The following ARMC2 variants were observed in gnomAD, a reference collection of about 807,000 sequenced individuals.
ARMC2 encodes armadillo repeat-containing protein 2.
A neutral mutation model predicts 90.3 loss-of-function variants in ARMC2; 67 were observed. The ratio of observed to expected loss-of-function variants is 0.74; its 90% confidence interval spans 0.61 to 0.91. The LOEUF is 0.91. Among genes scored for constraint, ARMC2 ranks in the 40% least tolerant of loss-of-function variants. The pLI is 0.00. For synonymous variants in ARMC2, 393 were observed against 393.0 expected (o/e 1.00, Z 0.00); for missense variants, 920 against 1,030.9 (o/e 0.89, Z 1.47).
At chr6:108,880,155 A>C (rs1246830323) in intron 5 of ARMC2, 1 of 358,454 alleles carries the variant, frequency 2.8e-6, no homozygotes, top group Non-Finnish European at 5.4e-6. Flanking sequence ...TGAACTACAC[A>C]ACATGAAGCA....
chr6:108,952,922 G>T, intron 12 of ARMC2, 111 bp from the exon 13 acceptor site: 1 of 1,046,262 alleles, frequency 9.6e-7, no homozygotes. Context: ...GAAGCCAGAC[G>T]TGTTCCATTT....
At chr6:108,935,645 G>A (rs181820023) in intron 11 of ARMC2, among the ~76,000 whole-genome samples, 8 of 152,180 alleles carry the variant, frequency 5.3e-5, no homozygotes, top group Admixed American at 4.6e-4. Context: ...GTTTCGCCAT[G>A]TTAGCCAGGC....
chr6:109,006,808 C>T, the ARMC2 span, among the ~76,000 whole-genome samples: 3 of 152,108 alleles, frequency 2.0e-5, no homozygotes, highest in Admixed American at 6.6e-5. Flanking sequence ...AAAGGCACTG[C>T]GGGTGTTCAA....
At chr6:108,993,045 G>A in the ARMC2 span, 2 of 582,244 alleles carry the variant, frequency 3.4e-6, no homozygotes, top group South Asian at 2.3e-5. Context: ...ATACAAAGTA[G>A]TTTACTTGCT....
chr6:108,907,663 G>C, intron 8 of ARMC2: 1 of 1,601,782 alleles, frequency 6.2e-7, no homozygotes. Flanking sequence ...AAAAGGAGTA[G>C]CTGAAGAGCA....
At chr6:108,992,121 C>A in the ARMC2 span, among the ~76,000 whole-genome samples, 2 of 152,032 alleles carry the variant, frequency 1.3e-5, no homozygotes, top group Non-Finnish European at 2.9e-5. Context: ...TTTTTTGAGA[C>A]AGGATCCCAC....
chr6:108,911,119 A>G, intron 9 of ARMC2, 118 bp downstream of exon 9: 1 of 664,432 alleles, frequency 1.5e-6, no homozygotes, highest in Non-Finnish European at 2.5e-6. Context: ...AGAAACATGC[A>G]GAAGTTATGT....
intron 12 of ARMC2, among the ~76,000 whole-genome samples, chr6:108,947,888 G>A (rs1776916198): frequency 6.6e-6 from 1 of 150,960 alleles, no homozygotes; most frequent in Non-Finnish European, 1.5e-5. Flanking sequence ...AAATCACATA[G>A]TTATGATATG....
intron 13 of ARMC2, among the ~76,000 whole-genome samples, chr6:108,960,576 G>C (rs890684788): frequency 1.3e-5 from 2 of 152,206 alleles, no homozygotes; most frequent in Non-Finnish European, 2.9e-5. Flanking sequence ...ACATTTTAGG[G>C]CTGAAAGACA....
intron 13 of ARMC2, 132 bp from the exon 14 acceptor site, chr6:108,961,440 C>A: frequency 1.1e-6 from 1 of 905,184 alleles, no homozygotes; most frequent in Non-Finnish European, 1.6e-6. Flanking sequence ...GGTAAAGGTG[C>A]CTCTCCAGGG....
intron 7 of ARMC2, among the ~76,000 whole-genome samples, chr6:108,903,044 T>C (rs895400189): frequency 3.9e-5 from 6 of 152,102 alleles, no homozygotes; most frequent in Non-Finnish European, 7.4e-5. Context: ...GACAAGCGTC[T>C]GGAGTCCTAG....
chr6:108,933,154 G>C (rs1285078167), intron 11 of ARMC2, among the ~76,000 whole-genome samples: 2 of 151,660 alleles, frequency 1.3e-5, no homozygotes, highest in Non-Finnish European at 2.9e-5. Flanking sequence ...AAATTGCTTT[G>C]GTCAGTATGG....
intron 4 of ARMC2, 45 bp from the exon 5 acceptor site, chr6:108,876,098 A>G: frequency 6.9e-7 from 1 of 1,448,978 alleles, no homozygotes; most frequent in Non-Finnish European, 9.4e-7. Context: ...AGTGATTCCT[A>G]AAATAAGAAT....
At position 108,910,962 on chromosome 6, in the gene ARMC2, G is replaced by C. The variant is rs1015059235; in HGVS notation, c.1087G>C (p.Glu363Gln). 1 of 1,584,938 alleles carries C rather than the reference G, an allele frequency of 6.3e-7. No homozygotes were observed. Among genetic ancestry groups the C allele is most frequent in the Middle Eastern group, 1.7e-4 (1 of 6,026 alleles). ...CKLIFKISRN[E>Q]KNDSLIQNDS... is the part of the protein sequence containing the mutation. ...ACTTATATTTAAAATTAGCAGGAAT[G>C]AGAAGAATGATTCTTTGATTCAAAA... The change falls in exon 9 of 18, where the codon GAG (glutamate) becomes CAG (glutamine). Residue 363 changes from glutamate (E) to glutamine (Q), a missense_variant. Coordinates refer to ENST00000392644, the MANE Select transcript of ARMC2 (RefSeq NM_032131.6).
chr6:109,050,972 T>C, the ARMC2 span, among the ~76,000 whole-genome samples: 1 of 152,226 alleles, frequency 6.6e-6, no homozygotes, highest in African/African-American at 2.4e-5. Flanking sequence ...ACGTTTGTTA[T>C]GGTTAAAGTT....
At chr6:108,887,822 G>A (rs1168369294) in intron 5 of ARMC2, among the ~76,000 whole-genome samples, 1 of 152,122 alleles carries the variant, frequency 6.6e-6, no homozygotes, top group African/African-American at 2.4e-5. Flanking sequence ...ATATGGAACA[G>A]GAAACTAGGA....
intron 1 of ARMC2, among the ~76,000 whole-genome samples, chr6:108,850,231 G>C (rs1172499652): frequency 2.0e-5 from 3 of 152,152 alleles, no homozygotes; most frequent in African/African-American, 7.2e-5. Context: ...TCACCCTCTA[G>C]AGGTCCTGTG....
intron 8 of ARMC2, chr6:108,907,929 G>A: frequency 6.8e-7 from 1 of 1,474,690 alleles, no homozygotes; most frequent in Non-Finnish European, 9.3e-7. Flanking sequence ...CTTATTTTCT[G>A]GGGGTTTTAA....
chr6:108,953,813 A>G (rs1488460749), intron 13 of ARMC2, among the ~76,000 whole-genome samples: 2 of 152,284 alleles, frequency 1.3e-5, no homozygotes, highest in East Asian at 1.9e-4. Flanking sequence ...TTGTAATTAC[A>G]GTCTCCAGTC....
Sources: gnomAD v4.1 joint callset for allele counts (sites outside exome capture counted in the v4.1 genomes callset) on GRCh38, gnomAD v4.1.1 for gene constraint, MANE v1.5 for transcripts, NCBI Gene and HGNC (gene_info 2026-07-23, HGNC 2026-07-21) for gene names.